The following TERT variants were observed in gnomAD, a reference collection of about 807,000 sequenced individuals.
TERT encodes telomerase reverse transcriptase.
In TERT, 42 loss-of-function variants were observed where a neutral mutation model predicts 104.0. The observed-to-expected ratio is 0.40, with a 90% CI of 0.32 to 0.52. TERT has a LOEUF of 0.52. TERT is among the 20% of genes least tolerant of loss of function. The pLI is 0.43. For synonymous variants in TERT, 781 were observed against 725.6 expected, an observed-to-expected ratio of 1.08 and a Z score of -1.23; for missense variants, 1,101 against 1,610.3, an observed-to-expected ratio of 0.68 and a Z score of 5.41.
In TERT at chr5:1,263,565, G is replaced by A. The variant is rs1004713803; in HGVS notation, c.2843+839C>T. Among the ~76,000 whole-genome samples the A allele has an allele frequency of 6.6e-6, 1 of 152,176 alleles. No individual in the cohort carries two copies. The highest frequency in any genetic ancestry group is 2.4e-5 in the African/African-American group (1 of 41,448). On this transcript the variant is annotated intron_variant, in intron 11 of 15. Transcript: ENST00000310581. This position sits in a 1 kb window ranked among gnomAD's most constrained non-coding sequence, Gnocchi z 5.3. ...ACTACAGGCGTGTGCCACCAGGCCAGGCTAATTTTTGTATTTTTTAAGTAG... is the reference window on the plus strand; with the variant it reads ...ACTACAGGCGTGTGCCACCAGGCCAAGCTAATTTTTGTATTTTTTAAGTAG...
At chr5:1,281,693 G>A (rs143381883) in intron 3 of TERT, among the ~76,000 whole-genome samples, 140 of 152,032 alleles carry the variant, frequency 9.2e-4, no homozygotes, top group African/African-American at 3.2e-3. Flanking sequence ...GGTGCTCCCT[G>A]CACAGGTGCT....
Position 1,272,215 on chromosome 5 carries a change from G to C in TERT, c.2352C>G (p.Ser784Arg). 1 of 1,612,760 alleles carries C rather than the reference G, an allele frequency of 6.2e-7. No homozygotes were observed. Among genetic ancestry groups the C allele is most frequent in the Non-Finnish European group, 8.5e-7 (1 of 1,179,842 alleles). The change falls in exon 7 of 16, where the codon AGC becomes AGG. Residue 784 changes from serine to arginine, a missense_variant. Physicochemically the swap from Ser to Arg is moderately radical, Grantham distance 110. This residue lies in a region of TERT where 463 missense variants were observed against 797.5 expected (regional missense o/e 0.58). Coordinates refer to ENST00000310581, the MANE Select transcript of TERT (RefSeq NM_198253.3). ...CGATGACGACGGCATCCCTCAGCGG[G>C]CTGGTCTCCTGCAGGTGAGCCACGA... ...RQFVAHLQET[S>R]PLRDAVVIEQ...
In TERT at chr5:1,294,535, G is replaced by A. The variant is rs1554043084; in HGVS notation, c.351C>T (p.Thr117=). The change falls in exon 2 of 16, where the codon ACC becomes ACT. Residue 117 remains threonine (T), a synonymous_variant. Transcript: ENST00000310581. Reference sequence around the variant, plus strand: ...TGTTGGGCAGGTAGCTGCGCACGCTGGTGGTGAAGGCCTCGGGGGGGCCCC... The same window carrying A: ...TGTTGGGCAGGTAGCTGCGCACGCTAGTGGTGAAGGCCTCGGGGGGGCCCC... ...ARGGPPEAFT[T]SVRSYLPNTV... The A allele has an allele frequency of 1.3e-6, 2 of 1,578,586 alleles. No individual in the cohort carries two copies. The highest frequency in any genetic ancestry group is 1.7e-5 in the Admixed American group (1 of 57,658).
intron 15 of TERT, 71 bp downstream of exon 15, chr5:1,254,297 C>G (rs918638644): frequency 1.6e-5 from 26 of 1,604,956 alleles, no homozygotes; most frequent in Non-Finnish European, 2.1e-5. Context: ...TGAGGCTGCT[C>G]GCCCCACACA....
intron 7 of TERT, among the ~76,000 whole-genome samples, chr5:1,271,554 C>A (rs1303109889): frequency 1.3e-5 from 2 of 152,138 alleles, no homozygotes; most frequent in African/African-American, 2.4e-5. Flanking sequence ...CCTCCACCCC[C>A]ACCCTGGGAG....
At chr5:1,272,585 C>CCCA (rs1177674089) in intron 6 of TERT, among the ~76,000 whole-genome samples, 3 of 38,914 alleles carry the variant, frequency 7.7e-5, no homozygotes, top group Non-Finnish European at 1.1e-4. Context: ...ACATCAGACC[C>CCCA]TACGACCGCC....
Position 1,287,508 on chromosome 5 carries a change from A to AAATATATAT in TERT, c.1574-4885_1574-4884insATATATATT, listed in dbSNP as rs1554041994. Among the ~76,000 whole-genome samples the AAATATATAT allele has an allele frequency of 7.1e-6, 1 of 140,714 alleles. No individual in the cohort carries two copies. The highest frequency in any genetic ancestry group is 2.7e-5 in the African/African-American group (1 of 36,834). The allele number at this position is 140,714 out of a possible 152,430, so 92.3% of individuals were successfully genotyped here. On this transcript the variant is annotated intron_variant, in intron 2 of 15. Transcript: ENST00000310581. The surrounding 1 kb of genome is among the most constrained non-coding windows in gnomAD (Gnocchi z 4.3). ...CCAAGACTCTGTCTCAAAAAAAAAA[A>AAATATATAT]ATATATATATATATATATAAATTAA...
Position 1,293,594 on chromosome 5 carries a change from G to A in TERT, c.1292C>T (p.Pro431Leu), listed in dbSNP as rs1164823749. 1.3e-6 allele frequency: 2 copies of A among 1,547,842 alleles called. No homozygotes were observed. The highest frequency in any genetic ancestry group is 2.7e-5 in the African/African-American group (2 of 73,096). ...CTCGGGGGCCGCCACAGAGCCCTGG[G>A]GCTTCTCCCGGGCACAGACACCGGC... ...PAAGVCAREK[P>L]QGSVAAPEEE... Residue 431 changes from proline (P) to leucine (L), a missense_variant, in exon 2 of 16, where the codon CCC (proline) becomes CTC (leucine). Pro to Leu is a moderately conservative substitution (Grantham distance 98). Transcript: ENST00000310581.
chr5:1,261,784 T>C lies in TERT; in HGVS notation c.2844-1184A>G, dbSNP rs1653204694. ...CCTGAGCCTATGGGTCTGACTTGTGTGGGGTCCTCGGGCAGAGCAAGGGCC... is the reference window on the plus strand; with the variant it reads ...CCTGAGCCTATGGGTCTGACTTGTGCGGGGTCCTCGGGCAGAGCAAGGGCC... On this transcript the variant is annotated intron_variant, in intron 11 of 15. Coordinates refer to ENST00000310581, the MANE Select transcript of TERT (RefSeq NM_198253.3). The surrounding 1 kb of genome is among the most constrained non-coding windows in gnomAD (Gnocchi z 7.4). Among the ~76,000 whole-genome samples, 1 of 152,148 alleles carries C rather than the reference T, an allele frequency of 6.6e-6. No homozygotes were observed. Among genetic ancestry groups the C allele is most frequent in the East Asian group, 1.9e-4 (1 of 5,186 alleles).
chr5:1,271,067 G>A, intron 8 of TERT, 52 bp downstream of exon 8: 1 of 1,471,362 alleles, frequency 6.8e-7, no homozygotes, highest in Non-Finnish European at 9.5e-7. Context: ...CAGAAGCCCT[G>A]CCAGCCCGCC....
At position 1,286,873 on chromosome 5, in the gene TERT, C is replaced by T. The variant is rs1387056800; in HGVS notation, c.1574-4249G>A. 6.6e-6 allele frequency among the ~76,000 whole-genome samples: 1 copy of T among 151,942 alleles called. No individual in the cohort carries two copies. Among genetic ancestry groups the T allele is most frequent in the Admixed American group, 6.6e-5 (1 of 15,240 alleles). On this transcript the variant is annotated intron_variant, in intron 2 of 15. Transcript: ENST00000310581. This position sits in a 1 kb window ranked among gnomAD's most constrained non-coding sequence, Gnocchi z 5.3. ...AGCCTGGGTGACAGAGTGAGACTGT[C>T]TCAATAAACAAAAGCAAACAACGAC...
intron 7 of TERT, among the ~76,000 whole-genome samples, chr5:1,271,835 C>T (rs1478167356): frequency 5.3e-5 from 8 of 152,168 alleles, no homozygotes; most frequent in East Asian, 1.9e-4. Flanking sequence ...GGGCAGGACA[C>T]GGCTCAAACA....
rs1374770355 is a variant in TERT at position 1,288,530 on chromosome 5, G to A, written c.1573+4783C>T. ...CGTCAATCCATGTGAGGGGGCGACT[G>A]GAGGCAGAGCCCAGCCTAAGCAATG... is the stretch of plus-strand genomic sequence containing the variant. On this transcript the variant is annotated intron_variant, in intron 2 of 15. Transcript: ENST00000310581. The surrounding 1 kb of genome is among the most constrained non-coding windows in gnomAD (Gnocchi z 5.3). 3.3e-5 allele frequency among the ~76,000 whole-genome samples: 5 copies of A among 152,152 alleles called. No individual in the cohort carries two copies. The highest frequency in any genetic ancestry group is 3.3e-4 in the Admixed American group (5 of 15,276).
intron 4 of TERT, 44 bp downstream of exon 4, chr5:1,280,114 A>G (rs1749915164): frequency 1.2e-6 from 2 of 1,612,002 alleles, no homozygotes; most frequent in African/African-American, 2.7e-5. Flanking sequence ...TGGGGCTCAA[A>G]CGCACTTCTG....
chr5:1,272,137 AC>A, intron 7 of TERT, 47 bp downstream of exon 7: 1 of 1,440,452 alleles, frequency 6.9e-7, no homozygotes, highest in Non-Finnish European at 9.6e-7. Flanking sequence ...CCAGGGGAGG[AC>A]CCACTGCTGG....
intron 7 of TERT, 137 bp downstream of exon 7, chr5:1,272,045 CTCA>C: frequency 1.3e-6 from 1 of 783,580 alleles, no homozygotes. Flanking sequence ...AGGCACACAG[CTCA>C]TCATGCCCCC....
In TERT at chr5:1,255,228, G is replaced by C. The variant is rs1747630131; in HGVS notation, c.3157+59C>G. On this transcript the variant is annotated intron_variant, in intron 14 of 15. Coordinates refer to ENST00000310581, the MANE Select transcript of TERT (RefSeq NM_198253.3). The surrounding 1 kb of genome is among the most constrained non-coding windows in gnomAD (Gnocchi z 6.9). ...TAAGCCCAGATTCACTCAGTCTCCT[G>C]ACACACTAACACCAGCAGGCAGGCA... 3.1e-6 allele frequency: 5 copies of C among 1,601,024 alleles called. No individual in the cohort carries two copies. Among genetic ancestry groups the C allele is most frequent in the Non-Finnish European group, 4.3e-6 (5 of 1,173,450 alleles).
At position 1,274,057 on chromosome 5, in the gene TERT, G is replaced by A. The variant is rs1749358313; in HGVS notation, c.2287-1777C>T. Among the ~76,000 whole-genome samples, 1 of 152,252 alleles carries A rather than the reference G, an allele frequency of 6.6e-6. No homozygotes were observed. The highest frequency in any genetic ancestry group is 2.4e-5 in the African/African-American group (1 of 41,470). On this transcript the variant is annotated intron_variant, in intron 6 of 15. Coordinates refer to ENST00000310581, the MANE Select transcript of TERT (RefSeq NM_198253.3). The surrounding 1 kb of genome is among the most constrained non-coding windows in gnomAD (Gnocchi z 5.3). Reference sequence around the variant, plus strand: ...CTAAGCCCCTGCGTCCCCAAGACAGGATGTGAGCAGGCACGTGACACACAC... The same window carrying A: ...CTAAGCCCCTGCGTCCCCAAGACAGAATGTGAGCAGGCACGTGACACACAC...
rs1042159266 is a variant in TERT at position 1,263,169 on chromosome 5, C to G, written c.2843+1235G>C. Among the ~76,000 whole-genome samples the G allele has an allele frequency of 6.6e-6, 1 of 152,176 alleles. No individual in the cohort carries two copies. Among genetic ancestry groups the G allele is most frequent in the African/African-American group, 2.4e-5 (1 of 41,446 alleles). Reference sequence around the variant, plus strand: ...CCTGCTGCTCCCCCATGAAGCAAACCCCAGGGAGCATTCTGGAAAGAGGCA... The same window carrying G: ...CCTGCTGCTCCCCCATGAAGCAAACGCCAGGGAGCATTCTGGAAAGAGGCA... On this transcript the variant is annotated intron_variant, in intron 11 of 15. Transcript: ENST00000310581. The surrounding 1 kb of genome is among the most constrained non-coding windows in gnomAD (Gnocchi z 5.3).
Sources: allele counts gnomAD v4.1 joint callset (sites outside exome capture counted in the v4.1 genomes callset), GRCh38; gene constraint gnomAD v4.1.1; regional missense constraint gnomAD v4.1.1; non-coding constraint Gnocchi (gnomAD v3.1); transcripts MANE v1.5; gene names NCBI Gene and HGNC (gene_info 2026-07-23, HGNC 2026-07-21).